The following SV2C variants were observed in gnomAD, a reference collection of about 807,000 sequenced individuals.
SV2C encodes the protein solute carrier family 22 member B3.
A neutral mutation model predicts 79.7 loss-of-function variants in SV2C; 49 were observed. The ratio of observed to expected loss-of-function variants is 0.61; its 90% CI spans 0.49 to 0.78. SV2C has a LOEUF of 0.78. SV2C is among the 30% of genes least tolerant of loss of function. The pLI, the probability that SV2C is intolerant of heterozygous loss-of-function variation, is 0.00. For missense variants in SV2C, 833 were observed against 912.9 expected (o/e 0.91, Z 1.13); for synonymous variants, 334 against 333.2 (o/e 1.00, Z -0.03).
chr5:75,942,051 A>G, the SV2C span, among the ~76,000 whole-genome samples: 1 of 152,196 alleles, frequency 6.6e-6, no homozygotes, highest in Non-Finnish European at 1.5e-5. Context: ...TGAATTCTCT[A>G]TAAAAGGCCC....
At chr5:76,226,892 G>T (rs1222757440) in intron 4 of SV2C, among the ~76,000 whole-genome samples, 1 of 152,292 alleles carries the variant, frequency 6.6e-6, no homozygotes, top group South Asian at 2.1e-4. Flanking sequence ...ATGATCACTG[G>T]CTGTGTCTGG....
At chr5:76,250,687 C>G (rs1021988219) in intron 4 of SV2C, among the ~76,000 whole-genome samples, 1 of 152,184 alleles carries the variant, frequency 6.6e-6, no homozygotes, top group African/African-American at 2.4e-5. Context: ...CCTGGGTCAG[C>G]ATTAGAAGCC....
chr5:76,233,752 G>A (rs1424282429), intron 4 of SV2C, among the ~76,000 whole-genome samples: 1 of 149,942 alleles, frequency 6.7e-6, no homozygotes, highest in East Asian at 1.9e-4. Flanking sequence ...TTATTGATTT[G>A]CGTATATTGA....
At chr5:75,896,116 G>T in the SV2C span, among the ~76,000 whole-genome samples, 2 of 151,776 alleles carry the variant, frequency 1.3e-5, no homozygotes, top group Middle Eastern at 6.8e-3. Context: ...ACAATGTGCA[G>T]GTTTGTTACA....
the SV2C span, among the ~76,000 whole-genome samples, chr5:75,904,240 G>A: frequency 0.062 from 9,420 of 152,096 alleles, 338 homozygotes; most frequent in Admixed American, 0.085. Context: ...TTATTTTGGC[G>A]AGGGTATTTT....
At chr5:75,892,112 T>C in the SV2C span, among the ~76,000 whole-genome samples, 1 of 152,104 alleles carries the variant, frequency 6.6e-6, no homozygotes. Context: ...AGAATTGATT[T>C]TGGCATTGCA....
intron 12 of SV2C, among the ~76,000 whole-genome samples, chr5:76,316,318 G>A (rs1434005991): frequency 6.6e-6 from 1 of 152,152 alleles, no homozygotes; most frequent in Non-Finnish European, 1.5e-5. Context: ...GAAGACAGCA[G>A]GATTCTCAAC....
At chr5:76,336,426 G>T (rs564852001), downstream of SV2C, among the ~76,000 whole-genome samples, 1 of 151,868 alleles carries the variant, frequency 6.6e-6, no homozygotes, top group South Asian at 2.1e-4. Context: ...GCCAGGCAGA[G>T]GGGCTCCCCA....
chr5:76,174,313 G>A (rs1180967731), intron 2 of SV2C: 3 of 839,404 alleles, frequency 3.6e-6, no homozygotes, highest in South Asian at 1.6e-5. Flanking sequence ...CCGCTGCCGC[G>A]CCGCTCCGGC....
chr5:76,257,672 T>C (rs924749649), intron 4 of SV2C, among the ~76,000 whole-genome samples: 1 of 150,840 alleles, frequency 6.6e-6, no homozygotes, highest in Non-Finnish European at 1.5e-5. Flanking sequence ...GTGGCGTGTG[T>C]GTGGTGTGGT....
chr5:76,053,468 G>A, the SV2C span, among the ~76,000 whole-genome samples: 28 of 152,274 alleles, frequency 1.8e-4, no homozygotes, highest in East Asian at 7.7e-4. Flanking sequence ...ATTGATTAAC[G>A]TGTGACAATT....
At chr5:76,223,927 G>A (rs1745166057) in intron 4 of SV2C, among the ~76,000 whole-genome samples, 1 of 152,068 alleles carries the variant, frequency 6.6e-6, no homozygotes, top group Non-Finnish European at 1.5e-5. Context: ...TGGGGAAGTG[G>A]TGGGGGGATG....
chr5:76,237,369 G>A (rs1020136179), intron 4 of SV2C, among the ~76,000 whole-genome samples: 1 of 152,032 alleles, frequency 6.6e-6, no homozygotes, highest in African/African-American at 2.4e-5. Flanking sequence ...TCATAATGTA[G>A]GTTTTCAACA....
intron 1 of SV2C, among the ~76,000 whole-genome samples, chr5:76,107,424 G>C (rs1747954752): frequency 6.6e-6 from 1 of 152,170 alleles, no homozygotes; most frequent in African/African-American, 2.4e-5. Flanking sequence ...TCGTGAGTTA[G>C]ATTTTGCATA....
chr5:76,282,543 C>T (rs1235112523), intron 4 of SV2C, among the ~76,000 whole-genome samples: 1 of 152,194 alleles, frequency 6.6e-6, no homozygotes, highest in African/African-American at 2.4e-5. Context: ...TATTGTTTTT[C>T]AATAACTAAT....
the SV2C span, among the ~76,000 whole-genome samples, chr5:75,990,156 C>A: frequency 6.6e-6 from 1 of 151,940 alleles, no homozygotes; most frequent in African/African-American, 2.4e-5. Context: ...TAATTTAGAT[C>A]TCATTTGTCA....
At chr5:76,232,295 T>A (rs1461117438) in intron 4 of SV2C, among the ~76,000 whole-genome samples, 1 of 150,486 alleles carries the variant, frequency 6.6e-6, no homozygotes, top group Non-Finnish European at 1.5e-5. Flanking sequence ...GTTTGTTTTT[T>A]TCTTGTAAAT....
At chr5:76,246,212 T>C (rs558753566) in intron 4 of SV2C, among the ~76,000 whole-genome samples, 56 of 152,336 alleles carry the variant, frequency 3.7e-4, no homozygotes, top group African/African-American at 1.3e-3. Context: ...AGTTGTCATC[T>C]TTCCATATTC....
chr5:76,189,004 C>T (rs1383410858), intron 2 of SV2C, among the ~76,000 whole-genome samples: 5 of 151,762 alleles, frequency 3.3e-5, no homozygotes, highest in African/African-American at 1.2e-4. Context: ...AGAGGCACCC[C>T]ACTCCCACCC....
Sources: allele counts gnomAD v4.1 joint callset (sites outside exome capture counted in the v4.1 genomes callset), GRCh38; gene constraint gnomAD v4.1.1; transcripts MANE v1.5; gene names NCBI Gene and HGNC (gene_info 2026-07-23, HGNC 2026-07-21).